The following CECR2 variants were observed in gnomAD, a reference collection of about 807,000 sequenced individuals.
The protein encoded by CECR2 is CECR2 histone acetyl-lysine reader.
CECR2 carries 30 observed loss-of-function variants against 154.5 expected under a neutral mutation model. The observed-to-expected ratio is 0.19, with a 90% confidence interval of 0.15 to 0.26. The LOEUF (loss-of-function observed/expected upper bound fraction) is 0.26. Among genes scored for constraint, CECR2 ranks in the 10% least tolerant of loss-of-function variants. CECR2 has a pLI of 1.00. For synonymous variants in CECR2, 725 were observed against 683.7 expected, an observed-to-expected ratio of 1.06 and a Z score of -0.94; for missense variants, 1,743 against 1,829.3, an observed-to-expected ratio of 0.95 and a Z score of 0.86.
Position 17,548,636 on chromosome 22 carries a change from C to A in CECR2, c.3349C>A (p.Pro1117Thr). Residue 1117 changes from proline to threonine, a missense_variant, in exon 17 of 19, where the codon CCC (proline) becomes ACC (threonine). By Grantham distance (38) the Pro-to-Thr change is conservative. Transcript: ENST00000262608. The part of the protein sequence containing the change: ...GLTGGTVSQF[P>T]PLYMPGLEYP... The stretch of plus-strand genomic sequence containing the variant: ...GACGGGAGGCACTGTGAGCCAGTTT[C>A]CCCCGCTGTATATGCCTGGCCTAGA... The A allele has an allele frequency of 6.2e-7, 1 of 1,612,936 alleles. No homozygotes were observed. The highest frequency in any genetic ancestry group is 8.5e-7 in the Non-Finnish European group (1 of 1,179,520).
At chr22:17,412,552 C>T (rs1425379471) in intron 1 of CECR2, among the ~76,000 whole-genome samples, 1 of 152,108 alleles carries the variant, frequency 6.6e-6, no homozygotes, top group Non-Finnish European at 1.5e-5. Flanking sequence ...TAAGGGCTGT[C>T]TCCGCCCTCC....
At chr22:17,386,558 T>C (rs2063263817) in intron 1 of CECR2, among the ~76,000 whole-genome samples, 1 of 152,140 alleles carries the variant, frequency 6.6e-6, no homozygotes, top group South Asian at 2.1e-4. Context: ...CTCTAATTGT[T>C]GGGATGTGGT....
At chr22:17,446,488 C>T (rs1295750269) in intron 1 of CECR2, among the ~76,000 whole-genome samples, 2 of 152,208 alleles carry the variant, frequency 1.3e-5, no homozygotes, top group South Asian at 2.1e-4. Flanking sequence ...GAGGCCGAGG[C>T]GGGCGGATCA....
At chr22:17,466,075 G>A (rs1390512410) in intron 1 of CECR2, among the ~76,000 whole-genome samples, 3 of 151,956 alleles carry the variant, frequency 2.0e-5, no homozygotes, top group African/African-American at 4.8e-5. Flanking sequence ...AGGCTGGAGC[G>A]CAGTGGTATG....
chr22:17,459,763 A>G (rs2054908766), intron 1 of CECR2, among the ~76,000 whole-genome samples: 1 of 152,106 alleles, frequency 6.6e-6, no homozygotes, highest in Non-Finnish European at 1.5e-5. Context: ...TGCATCCTTC[A>G]CTCTTTGAAA....
intron 1 of CECR2, among the ~76,000 whole-genome samples, chr22:17,423,506 CA>C (rs77498895): frequency 0.3 from 43,445 of 143,462 alleles, 6,183 homozygotes; most frequent in Middle Eastern, 0.39. Context: ...GACTCTGTCT[CA>C]AAAAAAAAAA....
intron 1 of CECR2, among the ~76,000 whole-genome samples, chr22:17,399,185 C>T (rs1171578414): frequency 6.6e-6 from 1 of 152,200 alleles, no homozygotes; most frequent in East Asian, 1.9e-4. Flanking sequence ...TAGTAAAAGG[C>T]TCAGGAGGTG....
At chr22:17,523,998 G>A (rs1012088001) in intron 8 of CECR2, 120 bp from the exon 9 acceptor site, 15 of 746,624 alleles carry the variant, frequency 2.0e-5, no homozygotes, top group East Asian at 1.4e-4. Context: ...TCAGCTTTTC[G>A]TGATATAAAG....
intron 8 of CECR2, among the ~76,000 whole-genome samples, chr22:17,514,001 G>T (rs1435232995): frequency 6.6e-6 from 1 of 152,176 alleles, no homozygotes; most frequent in African/African-American, 2.4e-5. Context: ...GTATTACAGA[G>T]ACTGTAAACT....
intron 2 of CECR2, among the ~76,000 whole-genome samples, chr22:17,494,596 G>A (rs1023051106): frequency 1.3e-5 from 2 of 152,194 alleles, no homozygotes; most frequent in African/African-American, 4.8e-5. Flanking sequence ...CTGTTACGCT[G>A]CATTTTGATA....
intron 10 of CECR2, among the ~76,000 whole-genome samples, chr22:17,538,120 A>G (rs1306943181): frequency 6.6e-6 from 1 of 152,250 alleles, no homozygotes; most frequent in Non-Finnish European, 1.5e-5. Flanking sequence ...CAGGAGGCTA[A>G]GGTGACAGGA....
At chr22:17,415,865 C>T (rs921159036) in intron 1 of CECR2, among the ~76,000 whole-genome samples, 2 of 152,152 alleles carry the variant, frequency 1.3e-5, no homozygotes, top group Non-Finnish European at 2.9e-5. Flanking sequence ...CCCATCAATC[C>T]GTCGGTCCAT....
intron 8 of CECR2, among the ~76,000 whole-genome samples, chr22:17,516,206 G>GAT (rs1028255753): frequency 2.9e-4 from 44 of 151,488 alleles, no homozygotes; most frequent in African/African-American, 8.7e-4. Context: ...AAAATATAGA[G>GAT]ATATATATAT....
intron 1 of CECR2, among the ~76,000 whole-genome samples, chr22:17,375,879 C>T (rs1338665500): frequency 1.3e-5 from 2 of 151,578 alleles, no homozygotes; most frequent in South Asian, 2.1e-4. Context: ...TCATTGGAGC[C>T]GGGAGACGGA....
At chr22:17,483,538 G>A (rs2055366100) in intron 2 of CECR2, among the ~76,000 whole-genome samples, 1 of 152,182 alleles carries the variant, frequency 6.6e-6, no homozygotes, top group Non-Finnish European at 1.5e-5. Context: ...AGGATCAGGA[G>A]TTGGAGGCTG....
At chr22:17,395,265 G>GAATC (rs2146517583) in intron 1 of CECR2, among the ~76,000 whole-genome samples, 1 of 151,326 alleles carries the variant, frequency 6.6e-6, no homozygotes, top group East Asian at 1.9e-4. Context: ...TGAGCTCAAG[G>GAATC]AATCCACCCA....
rs2146177769 is a variant in CECR2 at position 17,556,486 on chromosome 22, C to T, written c.*3646C>T. The stretch of plus-strand genomic sequence containing the variant: ...ATTCCTACTGCTGGCAGATGCCATC[C>T]CAGGCCCACAAAATCCCAGTGTTGC... On this transcript the variant is annotated 3_prime_UTR_variant, in exon 19 of 19. Coordinates refer to ENST00000262608, the MANE Select transcript of CECR2 (RefSeq NM_001290047.2). 1 of 151,832 alleles carries T rather than the reference C, an allele frequency of 6.6e-6. No individual in the cohort carries two copies. Among genetic ancestry groups the T allele is most frequent in the Non-Finnish European group, 1.5e-5 (1 of 67,722 alleles). 9.4% of individuals were successfully genotyped at this position (151,832 alleles called of 1,614,324 possible).
intron 8 of CECR2, among the ~76,000 whole-genome samples, chr22:17,521,826 C>T (rs990772130): frequency 1.3e-5 from 2 of 152,138 alleles, no homozygotes; most frequent in African/African-American, 4.8e-5. Flanking sequence ...AGTCCTTGCC[C>T]ATGCCTATGT....
chr22:17,552,340 T>C (rs865797977), intron 18 of CECR2, among the ~76,000 whole-genome samples, 198 bp downstream of exon 18: 1 of 152,332 alleles, frequency 6.6e-6, no homozygotes, highest in Admixed American at 6.5e-5. Flanking sequence ...CTTTTTCTTA[T>C]TGTGATATGG....
Sources: gnomAD v4.1 joint callset for allele counts (sites outside exome capture counted in the v4.1 genomes callset) on GRCh38, gnomAD v4.1.1 for gene constraint, MANE v1.5 for transcripts, NCBI Gene and HGNC (gene_info 2026-07-23, HGNC 2026-07-21) for gene names.